The following LRP1B variants were observed in gnomAD, a reference collection of about 807,000 sequenced individuals.
The protein encoded by LRP1B is LDL receptor related protein 1B.
A neutral mutation model predicts 556.6 loss-of-function variants in LRP1B; 217 were observed. The ratio of observed to expected loss-of-function variants is 0.39; its 90% confidence interval spans 0.35 to 0.44. LRP1B has a LOEUF of 0.44. Among genes scored for constraint, LRP1B ranks in the 20% least tolerant of loss-of-function variants. LRP1B has a pLI of 1.00. For synonymous variants in LRP1B, 2,047 were observed against 1,865.8 expected (o/e 1.10, Z -2.50); for missense variants, 5,053 against 5,620.8 (o/e 0.90, Z 3.23).
At chr2:141,246,672 T>C (rs1684078074) in intron 5 of LRP1B, among the ~76,000 whole-genome samples, 1 of 152,170 alleles carries the variant, frequency 6.6e-6, no homozygotes, top group South Asian at 2.1e-4. Context: ...AATTAGAAAC[T>C]TCCTGCAATA....
Position 141,254,639 on chromosome 2 carries a change from G to T in LRP1B, c.346C>A (p.Leu116Met). ...GYDEGVHCQELLSNCQQLNCQ... is the reference protein window; with the variant it reads ...GYDEGVHCQEMLSNCQQLNCQ... ...TTCAGCTGTTGGCAATTGGATAACA[G>T]TTCTGTAGAGAAAAAACAAATATAT... The change falls in exon 4 of 91, where the codon CTG becomes ATG. Residue 116 changes from leucine to methionine, a missense_variant and splice_region_variant. Transcript: ENST00000389484. 3 of 1,605,380 alleles carry T rather than the reference G, an allele frequency of 1.9e-6. No individual in the cohort carries two copies. The highest frequency in any genetic ancestry group is 2.6e-6 in the Non-Finnish European group (3 of 1,173,934).
intron 2 of LRP1B, among the ~76,000 whole-genome samples, chr2:141,672,155 T>G (rs1416385511): frequency 6.6e-6 from 1 of 152,118 alleles, no homozygotes; most frequent in African/African-American, 2.4e-5. Flanking sequence ...TAACTCCCAA[T>G]TTTCAAGGTT....
intron 53 of LRP1B, among the ~76,000 whole-genome samples, chr2:140,504,747 G>A (rs555339645): frequency 6.6e-6 from 1 of 152,234 alleles, no homozygotes; most frequent in East Asian, 1.9e-4. Context: ...ATGTCCTACT[G>A]TAAATGAAGT....
chr2:141,426,238 C>A (rs571787094), intron 3 of LRP1B, among the ~76,000 whole-genome samples: 1 of 151,620 alleles, frequency 6.6e-6, no homozygotes, highest in Non-Finnish European at 1.5e-5. Context: ...TGTAGATATG[C>A]GGCGTTATTT....
At chr2:141,074,396 C>T (rs1208559788) in intron 7 of LRP1B, among the ~76,000 whole-genome samples, 1 of 151,918 alleles carries the variant, frequency 6.6e-6, no homozygotes, top group African/African-American at 2.4e-5. Flanking sequence ...ACTTCTATAA[C>T]ACTGTTTCTT....
intron 20 of LRP1B, among the ~76,000 whole-genome samples, chr2:140,934,081 A>C (rs181045712): frequency 6.0e-4 from 92 of 152,222 alleles, no homozygotes; most frequent in African/African-American, 2.1e-3. Context: ...GTTGAGCCAG[A>C]CAGTTTGTAT....
chr2:141,034,717 G>T (rs1267209816), intron 11 of LRP1B, among the ~76,000 whole-genome samples: 1 of 148,700 alleles, frequency 6.7e-6, no homozygotes, highest in African/African-American at 2.5e-5. Context: ...ACAGGTGCTG[G>T]AGAGGATGTG....
intron 1 of LRP1B, among the ~76,000 whole-genome samples, chr2:142,107,231 G>T (rs78953763): frequency 0.043 from 6,540 of 152,210 alleles, 226 homozygotes; most frequent in Non-Finnish European, 0.058. Flanking sequence ...GTCCCCTAAA[G>T]TTTATATATT....
intron 2 of LRP1B, among the ~76,000 whole-genome samples, chr2:141,624,262 AC>A (rs1382238076): frequency 6.6e-6 from 1 of 152,074 alleles, no homozygotes; most frequent in Non-Finnish European, 1.5e-5. Context: ...ATAATATTAT[AC>A]AACCTGAGTA....
chr2:141,797,838 A>G (rs1250767888), intron 2 of LRP1B, among the ~76,000 whole-genome samples: 2 of 152,210 alleles, frequency 1.3e-5, no homozygotes, highest in African/African-American at 4.8e-5. Context: ...ACCTGGTCAG[A>G]AAACAGCCAG....
At chr2:141,958,422 C>T (rs1029990043) in intron 1 of LRP1B, among the ~76,000 whole-genome samples, 47 of 151,844 alleles carry the variant, frequency 3.1e-4, no homozygotes, top group African/African-American at 1.1e-3. Flanking sequence ...GGGTTTTTTG[C>T]CTCCCAAAAC....
Position 140,376,585 on chromosome 2 carries a change from AT to A in LRP1B, c.10638+1594del, listed in dbSNP as rs577547415. 1.3e-3 allele frequency among the ~76,000 whole-genome samples: 205 copies of A among 152,248 alleles called. 1 individual carries two copies. Among genetic ancestry groups the A allele is most frequent in the African/African-American group, 4.0e-3 (166 of 41,570 alleles). ...CTCTCCTTTGTGTTTAAAAAAAAAA[AT>A]GTTTTGACTTTTATTTTGTGAAGAG... On this transcript the variant is annotated intron_variant, in intron 68 of 90. Transcript: ENST00000389484.
At chr2:141,950,964 C>T (rs1211747748) in intron 1 of LRP1B, among the ~76,000 whole-genome samples, 1 of 151,920 alleles carries the variant, frequency 6.6e-6, no homozygotes, top group African/African-American at 2.4e-5. Flanking sequence ...TGAGTAAAGG[C>T]CAAATGGGAG....
chr2:141,464,695 G>T (rs1345684434), intron 3 of LRP1B, among the ~76,000 whole-genome samples: 2 of 149,410 alleles, frequency 1.3e-5, no homozygotes, highest in Non-Finnish European at 3.0e-5. Context: ...GCCTCCCAAA[G>T]TGCTGGGATT....
intron 6 of LRP1B, among the ~76,000 whole-genome samples, chr2:141,193,351 TC>T (rs1370952917): frequency 6.6e-6 from 1 of 151,978 alleles, no homozygotes; most frequent in African/African-American, 2.4e-5. Context: ...TAAATGCTCA[TC>T]GTGACTGATT....
intron 43 of LRP1B, among the ~76,000 whole-genome samples, chr2:140,554,081 A>C (rs942791826): frequency 6.6e-6 from 1 of 152,052 alleles, no homozygotes; most frequent in South Asian, 2.1e-4. Context: ...GAGACTCATT[A>C]TTTTTCATTT....
chr2:141,663,334 A>G (rs555876027), intron 2 of LRP1B, among the ~76,000 whole-genome samples: 4 of 152,308 alleles, frequency 2.6e-5, no homozygotes, highest in Admixed American at 2.0e-4. Flanking sequence ...AATAACCAAG[A>G]TCAGAACAGA....
At chr2:141,251,585 G>T (rs533653519) in intron 4 of LRP1B, among the ~76,000 whole-genome samples, 33 of 152,116 alleles carry the variant, frequency 2.2e-4, no homozygotes, top group Non-Finnish European at 4.3e-4. Context: ...AGGTATATAA[G>T]AAAGAGGTAG....
chr2:140,362,133 T>C (rs1182095795), intron 72 of LRP1B, among the ~76,000 whole-genome samples: 1 of 151,702 alleles, frequency 6.6e-6, no homozygotes, highest in Non-Finnish European at 1.5e-5. Flanking sequence ...CCCAAGCTAC[T>C]AACATAGCTT....
Sources: gnomAD v4.1 joint callset for allele counts (sites outside exome capture counted in the v4.1 genomes callset) on GRCh38, gnomAD v4.1.1 for gene constraint, MANE v1.5 for transcripts, NCBI Gene and HGNC (gene_info 2026-07-23, HGNC 2026-07-21) for gene names.